The following KHDRBS2 variants were observed in gnomAD, a reference collection of about 807,000 sequenced individuals.
KHDRBS2 encodes the protein KH RNA binding domain containing, signal transduction associated 2.
Under a neutral mutation model 44.3 loss-of-function variants are expected in KHDRBS2, and 26 were observed. That is an observed-to-expected ratio of 0.59 (90% CI 0.43 to 0.81). The LOEUF is 0.81. Among genes scored for constraint, KHDRBS2 ranks in the 40% least tolerant of loss-of-function variants. The pLI is 0.00. For missense variants in KHDRBS2, 476 were observed against 433.1 expected, an observed-to-expected ratio of 1.10 and a Z score of -0.88; for synonymous variants, 194 against 151.1, an observed-to-expected ratio of 1.28 and a Z score of -2.08.
At chr6:62,104,260 C>A (rs1421473320) in intron 2 of KHDRBS2, among the ~76,000 whole-genome samples, 1 of 152,116 alleles carries the variant, frequency 6.6e-6, no homozygotes, top group Admixed American at 6.5e-5. Flanking sequence ...AACATTTACA[C>A]AAACTAGACC....
chr6:62,047,971 A>C lies in KHDRBS2; in HGVS notation c.243T>G (p.Leu81=), dbSNP rs1253297977. ...TCTTCAAGGAGTTTCCTCTTGGTCC[A>C]AGCAATTTCCCCACAAAATTGAACT... ...YPKFNFVGKL[L]GPRGNSLKRL... is the part of the protein sequence containing the mutation. The change falls in exon 3 of 9, where the codon CTT becomes CTG. Residue 81 remains leucine (L), a synonymous_variant. Transcript: ENST00000281156. 1 of 1,607,746 alleles carries C rather than the reference A, an allele frequency of 6.2e-7. No individual in the cohort carries two copies. Among genetic ancestry groups the C allele is most frequent in the Non-Finnish European group, 8.5e-7 (1 of 1,174,636 alleles).
chr6:61,699,552 G>T (rs1215064070), intron 7 of KHDRBS2, among the ~76,000 whole-genome samples: 1 of 151,926 alleles, frequency 6.6e-6, no homozygotes, highest in Non-Finnish European at 1.5e-5. Flanking sequence ...ATGCCAAAGG[G>T]TTAGGATGGA....
At chr6:62,276,075 T>G (rs572370091) in intron 1 of KHDRBS2, among the ~76,000 whole-genome samples, 2 of 152,204 alleles carry the variant, frequency 1.3e-5, no homozygotes, top group Admixed American at 6.5e-5. Context: ...TTATCTAGCA[T>G]ACAACGCTAT....
At chr6:61,843,088 C>T (rs1793834655) in intron 6 of KHDRBS2, among the ~76,000 whole-genome samples, 1 of 151,898 alleles carries the variant, frequency 6.6e-6, no homozygotes, top group Non-Finnish European at 1.5e-5. Context: ...TACAGAGCCA[C>T]AAATTATACA....
Position 62,092,594 on chromosome 6 carries a change from A to G in KHDRBS2, c.220-44600T>C, listed in dbSNP as rs1225689161. Among the ~76,000 whole-genome samples the G allele has an allele frequency of 6.6e-5, 10 of 152,274 alleles. 1 individual carries two copies. The East Asian group carries it at 1.2e-3, about 18-fold the overall frequency. On this transcript the variant is annotated intron_variant, in intron 2 of 8. Transcript: ENST00000281156. ...ATAATTGTCTACCTGACTTAAGTAA[A>G]AATAATATTTCATTGTAACTCTGCC...
chr6:62,200,380 A>AATTT (rs1369137726), intron 1 of KHDRBS2, among the ~76,000 whole-genome samples: 10 of 152,308 alleles, frequency 6.6e-5, no homozygotes, highest in Non-Finnish European at 1.5e-4. Flanking sequence ...AACTCAAACA[A>AATTT]ATTTACAAGA....
chr6:62,283,912 G>T (rs1842128709), intron 1 of KHDRBS2, among the ~76,000 whole-genome samples: 1 of 152,000 alleles, frequency 6.6e-6, no homozygotes, highest in African/African-American at 2.4e-5. Context: ...TCCTCATTCT[G>T]ATTTCTCTGA....
At chr6:61,632,125 T>C in the KHDRBS2 span, among the ~76,000 whole-genome samples, 3 of 152,154 alleles carry the variant, frequency 2.0e-5, no homozygotes, top group Admixed American at 1.3e-4. Flanking sequence ...GAAAATTTCT[T>C]AAAAGAAGAT....
intron 4 of KHDRBS2, among the ~76,000 whole-genome samples, chr6:61,928,467 G>A (rs188839440): frequency 2.0e-5 from 3 of 152,086 alleles, no homozygotes; most frequent in East Asian, 1.9e-4. Flanking sequence ...TCTATTATTT[G>A]TATAATTCTC....
At chr6:62,021,464 C>G (rs1408730914) in intron 3 of KHDRBS2, among the ~76,000 whole-genome samples, 1 of 151,738 alleles carries the variant, frequency 6.6e-6, no homozygotes, top group East Asian at 1.9e-4. Flanking sequence ...ACAGTTGGGT[C>G]TTGTGTGTGT....
At chr6:62,272,695 T>C (rs1356399907) in intron 1 of KHDRBS2, among the ~76,000 whole-genome samples, 4 of 152,088 alleles carry the variant, frequency 2.6e-5, no homozygotes, top group Admixed American at 2.0e-4. Context: ...GTAAGAATTG[T>C]CAAAGGAGAA....
chr6:61,649,735 A>G, the KHDRBS2 span, among the ~76,000 whole-genome samples: 3 of 152,014 alleles, frequency 2.0e-5, no homozygotes, highest in Non-Finnish European at 4.4e-5. Context: ...CTACCTCCTA[A>G]TTGTCTCTCA....
the KHDRBS2 span, among the ~76,000 whole-genome samples, chr6:61,562,839 A>G: frequency 6.6e-6 from 1 of 152,288 alleles, no homozygotes; most frequent in East Asian, 1.9e-4. Context: ...TAAAGTTTTT[A>G]TAAATTATTT....
At chr6:61,842,042 G>T (rs1331673010) in intron 6 of KHDRBS2, among the ~76,000 whole-genome samples, 1 of 152,118 alleles carries the variant, frequency 6.6e-6, no homozygotes, top group Non-Finnish European at 1.5e-5. Context: ...TATATTCTTA[G>T]CTGTGTAAAG....
At chr6:61,771,143 T>C (rs1205940397) in intron 6 of KHDRBS2, among the ~76,000 whole-genome samples, 2 of 152,224 alleles carry the variant, frequency 1.3e-5, no homozygotes, top group African/African-American at 4.8e-5. Context: ...TGCTGAGAGA[T>C]TTTGTCACCA....
chr6:62,029,523 G>T (rs1783963694), intron 3 of KHDRBS2, among the ~76,000 whole-genome samples: 2 of 151,878 alleles, frequency 1.3e-5, no homozygotes, highest in South Asian at 4.1e-4. Flanking sequence ...AACATAGCTA[G>T]GTTTACGAAT....
chr6:62,136,231 AT>A (rs1393875381), intron 2 of KHDRBS2, among the ~76,000 whole-genome samples: 1 of 152,224 alleles, frequency 6.6e-6, no homozygotes, highest in Non-Finnish European at 1.5e-5. Flanking sequence ...GAAAAACTTT[AT>A]TTATTGAAAC....
At chr6:62,200,319 T>G (rs1388069435) in intron 1 of KHDRBS2, among the ~76,000 whole-genome samples, 2 of 151,856 alleles carry the variant, frequency 1.3e-5, no homozygotes, top group Admixed American at 6.6e-5. Flanking sequence ...TGGGAGAAAA[T>G]TTCTGCAATC....
chr6:61,987,538 T>A (rs1234504066), intron 3 of KHDRBS2, among the ~76,000 whole-genome samples: 2 of 152,204 alleles, frequency 1.3e-5, no homozygotes, highest in African/African-American at 4.8e-5. Context: ...TTAACATAAA[T>A]CTTCTTCAGA....
Sources: gnomAD v4.1 joint callset for allele counts (sites outside exome capture counted in the v4.1 genomes callset) on GRCh38, gnomAD v4.1.1 for gene constraint, MANE v1.5 for transcripts, NCBI Gene and HGNC (gene_info 2026-07-23, HGNC 2026-07-21) for gene names.